The following MYH9 variants were observed in gnomAD, a reference collection of about 807,000 sequenced individuals.
MYH9 encodes the protein myosin heavy chain 9, also known as myosin-9.
A neutral mutation model predicts 241.9 loss-of-function variants in MYH9; 29 were observed. The observed-to-expected ratio is 0.12, with a 90% CI of 0.09 to 0.16. The LOEUF (loss-of-function observed/expected upper bound fraction) is 0.16. Among genes scored for constraint, MYH9 ranks in the 10% least tolerant of loss-of-function variants. MYH9 has a pLI of 1.00. For synonymous variants in MYH9, 1,047 were observed against 1,062.6 expected, an observed-to-expected ratio of 0.99 and a Z score of 0.29; for missense variants, 1,803 against 2,595.5, an observed-to-expected ratio of 0.69 and a Z score of 6.63.
rs143426349 is a variant in MYH9, at chr22:36,379,279, G to A, written c.-20+8528C>T. Among the ~76,000 whole-genome samples the A allele has an allele frequency of 9.2e-3, 1,399 of 152,244 alleles. 17 individuals are homozygous for A. The highest frequency in any genetic ancestry group is 0.011 in the Non-Finnish European group (752 of 68,024). On this transcript the variant is annotated intron_variant, in intron 1 of 40. Coordinates refer to ENST00000216181, the MANE Select transcript of MYH9 (RefSeq NM_002473.6). ...TCCCAGCACTTCGGGAGGCCGAGGC[G>A]GGTGGATCATGAGGTCAGGAGATGG...
chr22:36,302,705 GAGCAGTGGAC>G (rs773799529), intron 19 of MYH9, 29 bp from the exon 20 acceptor site: 1 of 1,596,764 alleles, frequency 6.3e-7, no homozygotes, highest in South Asian at 1.1e-5. Flanking sequence ...GGTCAGCGCG[GAGCAGTGGAC>G]AGCAGACCCG....
intron 1 of MYH9, among the ~76,000 whole-genome samples, chr22:36,378,296 G>C (rs2018203369): frequency 6.6e-6 from 1 of 151,920 alleles, no homozygotes; most frequent in Non-Finnish European, 1.5e-5. Context: ...GAGAGATGAA[G>C]GGGAGGAAGA....
At chr22:36,301,815 C>T (rs2016882348) in intron 20 of MYH9, 150 bp from the exon 21 acceptor site, 1 of 1,040,226 alleles carries the variant, frequency 9.6e-7, no homozygotes, top group Admixed American at 2.0e-5. Flanking sequence ...GCACATCCTT[C>T]CTGGCGCTCT....
intron 35 of MYH9, among the ~76,000 whole-genome samples, chr22:36,286,468 G>A (rs909560844): frequency 6.6e-6 from 1 of 152,234 alleles, no homozygotes; most frequent in African/African-American, 2.4e-5. Context: ...CACAGCAGGA[G>A]GTGGTGGTGG....
At chr22:36,299,158 T>C (rs2146341906) in intron 23 of MYH9, 116 bp from the exon 24 acceptor site, 2 of 1,366,724 alleles carry the variant, frequency 1.5e-6, no homozygotes, top group Non-Finnish European at 1.0e-6. Flanking sequence ...TTTAGACGCT[T>C]GATCAAGTTC....
At chr22:36,364,702 T>C (rs1328495046) in intron 1 of MYH9, 5 of 152,170 alleles carry the variant, frequency 3.3e-5, no homozygotes, top group Non-Finnish European at 7.3e-5. Context: ...CCTGCATTGA[T>C]CAAGCGGTCA....
intron 11 of MYH9, among the ~76,000 whole-genome samples, chr22:36,317,193 T>C (rs1468374419): frequency 6.6e-6 from 1 of 152,196 alleles, no homozygotes; most frequent in East Asian, 1.9e-4. Context: ...TAGTAACTGC[T>C]GAAGCCGCCT....
intron 1 of MYH9, among the ~76,000 whole-genome samples, chr22:36,355,574 G>A (rs1464172194): frequency 6.6e-6 from 1 of 152,204 alleles, no homozygotes; most frequent in Non-Finnish European, 1.5e-5. Flanking sequence ...CAAGTTCTAG[G>A]CTGGGAGTGT....
At chr22:36,386,868 CGTGGA>C (rs948035467) in intron 1 of MYH9, among the ~76,000 whole-genome samples, 2 of 152,244 alleles carry the variant, frequency 1.3e-5, no homozygotes, top group African/African-American at 2.4e-5. Flanking sequence ...GAAGCGGGTG[CGTGGA>C]GTGGAGAATA....
At position 36,320,497 on chromosome 22, in the gene MYH9, C is replaced by A; in HGVS notation, c.869-134G>T. ...ACGCACCCTGGAAACCGCAGAGTAG[C>A]CAGTGACGTTCAGCTTTCCTCAGTG... is the stretch of plus-strand genomic sequence containing the variant. On this transcript the variant is annotated intron_variant, in intron 8 of 40. Transcript: ENST00000216181. This position sits in a 1 kb window ranked among gnomAD's most constrained non-coding sequence, Gnocchi z 4.8. 8.6e-7 allele frequency: 1 copy of A among 1,166,260 alleles called. No homozygotes were observed. The allele number at this position is 1,166,260 out of a possible 1,614,324, so 72.2% of individuals were successfully genotyped here.
chr22:36,293,217 G>T lies in MYH9; in HGVS notation c.4095+112C>A. On this transcript the variant is annotated intron_variant, in intron 30 of 40. Coordinates refer to ENST00000216181, the MANE Select transcript of MYH9 (RefSeq NM_002473.6). The surrounding 1 kb of genome is among the most constrained non-coding windows in gnomAD (Gnocchi z 5.1). Reference sequence around the variant, plus strand: ...GAGCACGGTTGGCTTCCCAGGGGGAGAGCAGCAATGGGCCGGCCCAGCGGG... The same window carrying T: ...GAGCACGGTTGGCTTCCCAGGGGGATAGCAGCAATGGGCCGGCCCAGCGGG... 2 of 1,414,558 alleles carry T rather than the reference G, an allele frequency of 1.4e-6. No homozygotes were observed. The highest frequency in any genetic ancestry group is 1.2e-5 in the South Asian group (1 of 83,130). The allele number at this position is 1,414,558 out of a possible 1,614,324, so 87.6% of individuals were successfully genotyped here. A position where few individuals can be genotyped will look rare whatever the true frequency, so the allele number is the denominator to read the frequency against.
intron 1 of MYH9, among the ~76,000 whole-genome samples, chr22:36,377,654 A>G (rs1392344811): frequency 6.6e-6 from 1 of 152,136 alleles, no homozygotes; most frequent in Non-Finnish European, 1.5e-5. Flanking sequence ...TCACGCCTGT[A>G]ATCTCAGCAC....
intron 1 of MYH9, among the ~76,000 whole-genome samples, chr22:36,362,461 A>G (rs986133446): frequency 1.3e-5 from 2 of 152,112 alleles, no homozygotes; most frequent in African/African-American, 4.8e-5. Flanking sequence ...CTAAGATACC[A>G]ACTTCAGGAC....
intron 13 of MYH9, among the ~76,000 whole-genome samples, chr22:36,313,451 CAAAA>C (rs57101170): frequency 3.8e-5 from 2 of 52,930 alleles, no homozygotes; most frequent in Non-Finnish European, 7.5e-5. Flanking sequence ...GACTCCGTCT[CAAAA>C]AAAAAAAAAA....
intron 1 of MYH9, among the ~76,000 whole-genome samples, chr22:36,371,163 C>T (rs996910369): frequency 6.6e-6 from 1 of 152,184 alleles, no homozygotes; most frequent in African/African-American, 2.4e-5. Flanking sequence ...TGAATTGTGT[C>T]CCTCCCAAAA....
At chr22:36,342,604 T>C (rs1027487542) in intron 2 of MYH9, among the ~76,000 whole-genome samples, 33 of 152,094 alleles carry the variant, frequency 2.2e-4, no homozygotes, top group African/African-American at 8.0e-4. Flanking sequence ...TCCTGTTACT[T>C]TTTCTCCCAA....
At chr22:36,308,306 C>T (rs976196496) in intron 15 of MYH9, among the ~76,000 whole-genome samples, 2 of 150,762 alleles carry the variant, frequency 1.3e-5, no homozygotes, top group Non-Finnish European at 2.9e-5. Context: ...CTCACCCTGT[C>T]ACCCAGGCTG....
rs148781875 is a variant in MYH9, at chr22:36,296,920, G to T, written c.3195C>A (p.Ala1065=). Reference sequence around the variant, plus strand: ...GCTCCGCGATCTGGGCCTGGAGCTCGGCGATCTGGTCGCTGAGGTCTGTGG... The same window carrying T: ...GCTCCGCGATCTGGGCCTGGAGCTCTGCGATCTGGTCGCTGAGGTCTGTGG... The part of the protein sequence containing the change: ...GDSTDLSDQI[A]ELQAQIAELK... Residue 1065 remains alanine, a synonymous_variant, in exon 25 of 41, where the codon GCC becomes GCA. Coordinates refer to ENST00000216181, the MANE Select transcript of MYH9 (RefSeq NM_002473.6). 5.8e-5 allele frequency: 94 copies of T among 1,613,986 alleles called. 1 individual carries two copies. The African/African-American group carries it at 1.1e-3, about 18-fold the overall frequency.
Position 36,348,927 on chromosome 22 carries a change from G to A in MYH9, c.310C>T (p.Arg104Cys), listed in dbSNP as rs2017723760. 1 of 1,609,032 alleles carries A rather than the reference G, an allele frequency of 6.2e-7. No individual in the cohort carries two copies. The highest frequency in any genetic ancestry group is 8.5e-7 in the Non-Finnish European group (1 of 1,178,078). Residue 104 changes from arginine to cysteine, a missense_variant, in exon 2 of 41, where the codon CGT becomes TGT. This residue lies in a region of MYH9 where 72 missense variants were observed against 134.3 expected (regional missense o/e 0.54). Coordinates refer to ENST00000216181, the MANE Select transcript of MYH9 (RefSeq NM_002473.6). ...EASVLHNLKE[R>C]YYSGLIYTYS... is the part of the protein sequence containing the mutation. ...ACGTAGATGAGCCCTGAGTAGTAACGCTCCTTGAGGTTGTGCAGCACCGAG... is the reference window on the plus strand; with the variant it reads ...ACGTAGATGAGCCCTGAGTAGTAACACTCCTTGAGGTTGTGCAGCACCGAG...
Sources: allele counts gnomAD v4.1 joint callset (sites outside exome capture counted in the v4.1 genomes callset), GRCh38; gene constraint gnomAD v4.1.1; regional missense constraint gnomAD v4.1.1; non-coding constraint Gnocchi (gnomAD v3.1); transcripts MANE v1.5; gene names NCBI Gene and HGNC (gene_info 2026-07-23, HGNC 2026-07-21).